The following CREB5 variants were observed in gnomAD, a reference collection of about 807,000 sequenced individuals.
The protein encoded by CREB5 is cAMP responsive element binding protein 5.
Under a neutral mutation model 57.1 loss-of-function variants are expected in CREB5, and 19 were observed. The observed-to-expected ratio is 0.33, with a 90% CI of 0.23 to 0.49. The LOEUF (loss-of-function observed/expected upper bound fraction) is 0.49. CREB5 is among the 20% of genes least tolerant of loss of function. The pLI is 0.99. For missense variants in CREB5, 579 were observed against 671.6 expected, an observed-to-expected ratio of 0.86 and a Z score of 1.52; for synonymous variants, 238 against 238.3, an observed-to-expected ratio of 1.00 and a Z score of 0.01.
chr7:28,522,290 A>G (rs1248260909), intron 4 of CREB5, among the ~76,000 whole-genome samples: 1 of 152,102 alleles, frequency 6.6e-6, no homozygotes, highest in African/African-American at 2.4e-5. Context: ...AATTTACTTG[A>G]AAAAATGTCC....
In CREB5 at chr7:28,708,161, T is replaced by A. The variant is rs1802217514; in HGVS notation, c.465-10592T>A. ...CAGTGAAGAGTTTGCTCAGCCTTGT[T>A]AGGCAATGCCCCTTTCCTTGTTCAT... is the stretch of plus-strand genomic sequence containing the variant. On this transcript the variant is annotated intron_variant, in intron 5 of 10. Transcript: ENST00000357727. Among the ~76,000 whole-genome samples the A allele has an allele frequency of 1.4e-4, 22 of 152,336 alleles. No homozygotes were observed. The South Asian group carries it at 4.4e-3, about 30-fold the overall frequency.
intron 1 of CREB5, among the ~76,000 whole-genome samples, chr7:28,347,013 G>A (rs1446066062): frequency 1.3e-5 from 2 of 152,114 alleles, no homozygotes; most frequent in Admixed American, 6.6e-5. Context: ...TGGGAGGAAC[G>A]GGCCAAGACT....
intron 7 of CREB5, among the ~76,000 whole-genome samples, chr7:28,763,626 A>G (rs1805786314): frequency 6.6e-6 from 1 of 152,046 alleles, no homozygotes; most frequent in African/African-American, 2.4e-5. Flanking sequence ...TGAACATAAG[A>G]AGGGCCCTTG....
At chr7:28,528,704 C>CAAAAAAAAAAAAAAAAA (rs778154325) in intron 4 of CREB5, among the ~76,000 whole-genome samples, 1 of 58,392 alleles carries the variant, frequency 1.7e-5, no homozygotes, top group Non-Finnish European at 3.3e-5. Flanking sequence ...AACTCCATCT[C>CAAAAAAAAAAAAAAAAA]AAAAAAAAAA....
intron 5 of CREB5, among the ~76,000 whole-genome samples, chr7:28,656,514 TATC>T (rs1799338939): frequency 2.0e-5 from 3 of 152,212 alleles, no homozygotes; most frequent in Non-Finnish European, 2.9e-5. Context: ...ATCAGATTAT[TATC>T]ATAGCAGCAT....
intron 1 of CREB5, among the ~76,000 whole-genome samples, chr7:28,359,804 T>C (rs1227313591): frequency 6.6e-6 from 1 of 151,918 alleles, no homozygotes; most frequent in Non-Finnish European, 1.5e-5. Context: ...TTAGAAAAAA[T>C]ATACTGGTAA....
At chr7:28,680,635 T>C (rs1256871239) in intron 5 of CREB5, among the ~76,000 whole-genome samples, 1 of 152,094 alleles carries the variant, frequency 6.6e-6, no homozygotes, top group Non-Finnish European at 1.5e-5. Context: ...GGTGCACACC[T>C]GTAGTTCCAG....
At chr7:28,512,721 C>T (rs945526112) in intron 4 of CREB5, among the ~76,000 whole-genome samples, 1 of 151,836 alleles carries the variant, frequency 6.6e-6, no homozygotes, top group Non-Finnish European at 1.5e-5. Context: ...GAAATGAACT[C>T]CTTTGTCCTG....
At chr7:28,515,896 T>C (rs906142372) in intron 4 of CREB5, among the ~76,000 whole-genome samples, 4 of 146,038 alleles carry the variant, frequency 2.7e-5, no homozygotes, top group African/African-American at 1.0e-4. Context: ...CTAACAGAAA[T>C]GTTTAAAGTA....
intron 7 of CREB5, among the ~76,000 whole-genome samples, chr7:28,792,407 T>C (rs1807769945): frequency 6.6e-6 from 1 of 152,196 alleles, no homozygotes; most frequent in South Asian, 2.1e-4. Flanking sequence ...TGCTCAATAT[T>C]TTCTAATACC....
chr7:28,476,600 GT>G, intron 1 of CREB5, among the ~76,000 whole-genome samples: 1 of 152,194 alleles, frequency 6.6e-6, no homozygotes, highest in East Asian at 1.9e-4. Flanking sequence ...AGATTTAATT[GT>G]TTCTTTTCTA....
chr7:28,324,015 G>A (rs1384331310), intron 1 of CREB5, among the ~76,000 whole-genome samples: 1 of 152,136 alleles, frequency 6.6e-6, no homozygotes, highest in Non-Finnish European at 1.5e-5. Context: ...GATCTGACAG[G>A]TGGTGGAGCT....
Position 28,524,185 on chromosome 7 carries a change from G to A in CREB5, c.291+16448G>A, listed in dbSNP as rs372701037. Among the ~76,000 whole-genome samples the A allele has an allele frequency of 3.6e-3, 541 of 152,260 alleles. 4 individuals are homozygous for A. The highest frequency in any genetic ancestry group is 0.012 in the African/African-American group (505 of 41,556). On this transcript the variant is annotated intron_variant, in intron 4 of 10. Transcript: ENST00000357727. The stretch of plus-strand genomic sequence containing the variant: ...GCTTTAGTATACACTTCCTTTTAAA[G>A]AAATTTGCTGGCTGGGTGCAGTGGC...
intron 5 of CREB5, among the ~76,000 whole-genome samples, chr7:28,708,606 A>G (rs1209690005): frequency 1.3e-5 from 2 of 152,196 alleles, no homozygotes; most frequent in African/African-American, 4.8e-5. Flanking sequence ...GATCTTTTAT[A>G]AGAGTTCTGT....
intron 1 of CREB5, among the ~76,000 whole-genome samples, chr7:28,428,057 T>G (rs1428474768): frequency 1.3e-5 from 2 of 152,140 alleles, no homozygotes; most frequent in East Asian, 3.9e-4. Context: ...TCCAGGAAGG[T>G]GGACTTTCAG....
intron 5 of CREB5, among the ~76,000 whole-genome samples, chr7:28,629,501 C>A (rs553921113): frequency 8.5e-5 from 13 of 152,312 alleles, no homozygotes; most frequent in Admixed American, 7.8e-4. Flanking sequence ...AGCAGGCAGG[C>A]TGGCAAGCAG....
At chr7:28,485,087 T>A (rs896653163) in intron 1 of CREB5, among the ~76,000 whole-genome samples, 2 of 152,204 alleles carry the variant, frequency 1.3e-5, no homozygotes, top group Non-Finnish European at 2.9e-5. Context: ...AGTACTTTGG[T>A]AGGCCAGGGC....
At chr7:28,311,714 C>T (rs569023920) in intron 1 of CREB5, among the ~76,000 whole-genome samples, 1 of 152,340 alleles carries the variant, frequency 6.6e-6, no homozygotes, top group South Asian at 2.1e-4. Context: ...TCTGCCATGC[C>T]TGGCCGGTGT....
chr7:28,560,919 T>TGTGTGTGTGTGTGCGTGC (rs1554344482), intron 4 of CREB5, among the ~76,000 whole-genome samples: 1 of 42,990 alleles, frequency 2.3e-5, no homozygotes, highest in African/African-American at 1.0e-4. Flanking sequence ...CGTGTGCGTG[T>TGTGTGTGTGTGTGCGTGC]GTGCGCGTGC....
Sources: allele counts gnomAD v4.1 joint callset (sites outside exome capture counted in the v4.1 genomes callset), GRCh38; gene constraint gnomAD v4.1.1; transcripts MANE v1.5; gene names NCBI Gene and HGNC (gene_info 2026-07-23, HGNC 2026-07-21).